Variants in SSX5 observed in about 807,000 individuals in gnomAD.
The protein encoded by SSX5 is protein SSX5.
SSX5 carries 14 observed loss-of-function variants against 14.9 expected under a neutral mutation model. The observed-to-expected ratio is 0.94, with a 90% CI of 0.62 to 1.47. The LOEUF (loss-of-function observed/expected upper bound fraction) is 1.47. Among genes scored for constraint, SSX5 ranks in the 40% most tolerant of loss-of-function variants. The probability of loss-of-function intolerance (pLI) is 0.00; values close to 1 mark genes in which losing one functional copy is unlikely to be tolerated. For synonymous variants in SSX5, 70 were observed against 55.4 expected (o/e 1.26, Z -1.17); for missense variants, 204 against 154.6 (o/e 1.32, Z -1.70).
At chrX:48,193,662 T>A (rs2059428584) in intron 4 of SSX5, among the ~76,000 whole-genome samples, 1 of 110,763 alleles carries the variant, frequency 9.0e-6, no homozygotes, top group Admixed American at 9.7e-5. Context: ...GACAGGAGAA[T>A]CACTTGAACC....
chrX:48,194,529 T>A (rs1235313951), intron 3 of SSX5, among the ~76,000 whole-genome samples: 9 of 110,314 alleles, frequency 8.2e-5, no homozygotes, highest in African/African-American at 2.6e-4. Flanking sequence ...GAGAGAAACG[T>A]GCAGGATCCA....
chrX:48,188,367 A>C (rs2059406956), intron 6 of SSX5, among the ~76,000 whole-genome samples: 1 of 112,486 alleles, frequency 8.9e-6, no homozygotes, highest in African/African-American at 3.2e-5. Context: ...TATCCCCTCA[A>C]ACATTTATCC....
At position 48,195,315 on chromosome X, in the gene SSX5, G is replaced by A; in HGVS notation, c.44C>T (p.Ser15Phe). The change falls in exon 2 of 8, where the codon TCT becomes TTT. Residue 15 changes from serine to phenylalanine, a missense_variant. Coordinates refer to ENST00000347757, the MANE Select transcript of SSX5 (RefSeq NM_175723.2). Reference protein sequence around the residue: ...DAFVRRPRVGSQIPEKMQKAF... With the variant: ...DAFVRRPRVGFQIPEKMQKAF... ...CTTTTGCATCTTCTCTGGTATTTGA[G>A]AACCAACCCTAGGTCTCCGTACAAA... 1 of 1,211,708 alleles carries A rather than the reference G, an allele frequency of 8.3e-7. No homozygotes were observed. Among genetic ancestry groups the A allele is most frequent in the Non-Finnish European group, 1.1e-6 (1 of 895,492 alleles).
At chrX:48,196,596 A>T (rs2059442414) in intron 1 of SSX5, 135 bp downstream of exon 1, 1 of 110,793 alleles carries the variant, frequency 9.0e-6, no homozygotes. Context: ...TACTTGAAAA[A>T]GTTAGAAACT....
Position 48,186,979 on chromosome X carries a change from T to C in SSX5, c.*5-123A>G, listed in dbSNP as rs782598110. ...CGATTCTGCCCTACCTCAGGACCTG[T>C]ACACGCCTTCCATGGTTCCTTGAAG... is the stretch of plus-strand genomic sequence containing the variant. On this transcript the variant is annotated intron_variant, in intron 7 of 7. Coordinates refer to ENST00000347757, the MANE Select transcript of SSX5 (RefSeq NM_175723.2). 277 of 864,069 alleles carry C rather than the reference T, an allele frequency of 3.2e-4. No individual in the cohort carries two copies. The African/African-American group carries it at 4.2e-3, about 13-fold the overall frequency. The allele number at this position is 864,069 out of a possible 1,213,427, so 71.2% of individuals were successfully genotyped here.
intron 1 of SSX5, 55 bp from the exon 2 acceptor site, chrX:48,195,433 G>T: frequency 2.7e-6 from 3 of 1,110,447 alleles, no homozygotes; most frequent in Non-Finnish European, 3.7e-6. Context: ...GTCCCATGGA[G>T]GGAGAAATCA....
At chrX:48,192,305 T>C in intron 4 of SSX5, 24 bp from the exon 5 acceptor site, 4 of 1,210,721 alleles carry the variant, frequency 3.3e-6, no homozygotes, top group Non-Finnish European at 4.5e-6. Context: ...CATCAGAATT[T>C]TTCTTTGTTG....
rs1194399249 is a variant in SSX5, at chrX:48,190,121, CT to C, written c.466+11del. 1 of 1,209,409 alleles carries C rather than the reference CT, an allele frequency of 8.3e-7. No individual in the cohort carries two copies. The highest frequency in any genetic ancestry group is 1.7e-5 in the African/African-American group (1 of 57,694). On this transcript the variant is annotated intron_variant, in intron 6 of 7. Transcript: ENST00000347757. ...AAGCCAGAGTGGTTGTTCCCAAATT[CT>C]TTTCTCTTACCAGATGTCTTGTTAA...
intron 2 of SSX5, 38 bp from the exon 3 acceptor site, chrX:48,194,892 T>C: frequency 8.3e-7 from 1 of 1,203,669 alleles, no homozygotes; most frequent in East Asian, 3.0e-5. Flanking sequence ...GTGACTCAGC[T>C]AGGCATGTCT....
intron 5 of SSX5, among the ~76,000 whole-genome samples, chrX:48,191,601 C>T (rs2059420437): frequency 9.3e-6 from 1 of 107,506 alleles, no homozygotes; most frequent in Non-Finnish European, 1.9e-5. Flanking sequence ...ATGGTCCTTC[C>T]TGTTGTGAGA....
intron 2 of SSX5, 112 bp downstream of exon 2, chrX:48,195,178 C>A (rs1556925591): frequency 1.7e-6 from 2 of 1,209,707 alleles, no homozygotes; most frequent in Non-Finnish European, 2.2e-6. Context: ...TTCCAGATGT[C>A]CCCGGAGACC....
chrX:48,187,008 A>G (rs782422107), intron 7 of SSX5, among the ~76,000 whole-genome samples, 152 bp from the exon 8 acceptor site: 1 of 111,643 alleles, frequency 9.0e-6, no homozygotes, highest in Admixed American at 9.6e-5. Context: ...CTTGAAGTGA[A>G]CCATCTGCTC....
intron 1 of SSX5, among the ~76,000 whole-genome samples, chrX:48,195,684 G>T (rs1283986852): frequency 9.0e-6 from 1 of 111,344 alleles, no homozygotes; most frequent in Non-Finnish European, 1.9e-5. Flanking sequence ...CCTGAAAGAT[G>T]TACAGACCCT....
rs150017866 is a variant in SSX5, at chrX:48,187,636, C to G, written c.562G>C (p.Glu188Gln). 80 of 1,207,119 alleles carry G rather than the reference C, an allele frequency of 6.6e-5. No homozygotes were observed. In the East Asian group the frequency reaches 2.3e-3, roughly 35 times the overall value. The change falls in exon 7 of 8, where the codon GAG (glutamate) becomes CAG (glutamine). Residue 188 changes from glutamate (E) to glutamine (Q), a missense_variant. Glu to Gln is a conservative substitution (Grantham distance 29). Coordinates refer to ENST00000347757, the MANE Select transcript of SSX5 (RefSeq NM_175723.2). ...EEISDPQEDD[E>Q] is the part of the protein sequence containing the mutation. Reference sequence around the variant, plus strand: ...CCAAAGGTTCACTTACGGAGTTACTCGTCATCTTCCTGAGGGTCGCTGATC... The same window carrying G: ...CCAAAGGTTCACTTACGGAGTTACTGGTCATCTTCCTGAGGGTCGCTGATC...
intron 4 of SSX5, among the ~76,000 whole-genome samples, chrX:48,193,139 A>G (rs1556925110): frequency 8.9e-6 from 1 of 111,948 alleles, no homozygotes; most frequent in Admixed American, 9.5e-5. Context: ...GGGAAACAGC[A>G]GTGCTTATTA....
chrX:48,195,255 TG>T (rs782818998), intron 2 of SSX5, 34 bp downstream of exon 2: 2 of 1,207,026 alleles, frequency 1.7e-6, no homozygotes, highest in Admixed American at 4.3e-5. Context: ...CACTGTCCCC[TG>T]GGCCACTACT....
In SSX5 at chrX:48,186,470, T is replaced by C; in HGVS notation, c.*391A>G. Reference sequence around the variant, plus strand: ...GTTTGTGTAAATGCAGAGGAAAAAATCTGAAATTAAACACTCAGAACTGCC... The same window carrying C: ...GTTTGTGTAAATGCAGAGGAAAAAACCTGAAATTAAACACTCAGAACTGCC... On this transcript the variant is annotated 3_prime_UTR_variant, in exon 8 of 8. Transcript: ENST00000347757. The C allele has an allele frequency of 3.1e-6, 1 of 318,378 alleles. No homozygotes were observed. Among genetic ancestry groups the C allele is most frequent in the Non-Finnish European group, 5.6e-6 (1 of 179,316 alleles). The allele number at this position is 318,378 out of a possible 1,213,427, so 26.2% of individuals were successfully genotyped here. A position where few individuals can be genotyped will look rare whatever the true frequency, so the allele number is the denominator to read the frequency against.
Position 48,194,861 on chromosome X carries a change from A to G in SSX5, c.70-7T>C. On this transcript the variant is annotated splice_polypyrimidine_tract_variant and splice_region_variant and intron_variant, in intron 2 of 7. Transcript: ENST00000347757. ...TGGCAATATCATCGAAGGCCTAGAA[A>G]AAAAAAAAGGATTTCTGATAGTGAC... The G allele has an allele frequency of 1.7e-6, 2 of 1,204,382 alleles. No homozygotes were observed. The highest frequency in any genetic ancestry group is 3.6e-5 in the South Asian group (2 of 55,536).
At chrX:48,193,581 T>C (rs1431839679) in intron 4 of SSX5, among the ~76,000 whole-genome samples, 1 of 110,656 alleles carries the variant, frequency 9.0e-6, no homozygotes, top group African/African-American at 3.3e-5. Context: ...AAACCCCATC[T>C]CTACCAAAAA....
Sources: allele counts gnomAD v4.1 joint callset (sites outside exome capture counted in the v4.1 genomes callset), GRCh38; gene constraint gnomAD v4.1.1; transcripts MANE v1.5; gene names NCBI Gene and HGNC (gene_info 2026-07-23, HGNC 2026-07-21).